AMPH: variants seen among roughly 807,000 people sequenced by gnomAD.
The protein encoded by AMPH is amphiphysin (Stiff-Mann syndrome with breast cancer 128kD autoantigen).
Under a neutral mutation model 99.1 loss-of-function variants are expected in AMPH, and 49 were observed. The ratio of observed to expected loss-of-function variants is 0.49; its 90% CI spans 0.39 to 0.63. The LOEUF (loss-of-function observed/expected upper bound fraction) is 0.63. Ranked by LOEUF, AMPH falls within the 20% of genes least tolerant of loss-of-function variation. The pLI is 0.00. For synonymous variants in AMPH, 314 were observed against 317.3 expected (o/e 0.99, Z 0.11); for missense variants, 759 against 863.4 (o/e 0.88, Z 1.52).
At chr7:38,437,718 C>T (rs1255388029) in intron 11 of AMPH, among the ~76,000 whole-genome samples, 2 of 151,408 alleles carry the variant, frequency 1.3e-5, no homozygotes, top group African/African-American at 2.4e-5. Context: ...GCAGGAGAAT[C>T]GCTTGAACCT....
intron 1 of AMPH, among the ~76,000 whole-genome samples, chr7:38,594,098 C>T (rs1486683124): frequency 5.3e-5 from 8 of 152,044 alleles, no homozygotes; most frequent in South Asian, 2.1e-4. Context: ...AAGCAGGAAG[C>T]GAAGCTGGGA....
chr7:38,440,153 T>C (rs1786449047), intron 11 of AMPH, among the ~76,000 whole-genome samples: 1 of 152,060 alleles, frequency 6.6e-6, no homozygotes, highest in Non-Finnish European at 1.5e-5. Flanking sequence ...TTCTAATCAG[T>C]GTTAAAGATA....
chr7:38,536,473 A>G (rs1790604790), intron 1 of AMPH, among the ~76,000 whole-genome samples: 1 of 152,220 alleles, frequency 6.6e-6, no homozygotes, highest in Non-Finnish European at 1.5e-5. Flanking sequence ...TTTTCTTCGG[A>G]GCAAAAGTAA....
intron 16 of AMPH, among the ~76,000 whole-genome samples, chr7:38,421,761 G>A (rs1481474022): frequency 6.6e-6 from 1 of 152,238 alleles, no homozygotes; most frequent in Non-Finnish European, 1.5e-5. Context: ...ATCCTCTGAA[G>A]TGTAGCAATG....
chr7:38,571,298 T>TTTTTATATATATTTATATATA (rs144518063), intron 1 of AMPH, among the ~76,000 whole-genome samples: 1 of 78,020 alleles, frequency 1.3e-5, no homozygotes. Context: ...TATTTATATA[T>TTTTTATATATATTTATATATA]GAATATATAT....
Position 38,384,715 on chromosome 7 carries a change from G to A in AMPH, c.*103C>T. On this transcript the variant is annotated 3_prime_UTR_variant, in exon 21 of 21. Coordinates refer to ENST00000356264, the MANE Select transcript of AMPH (RefSeq NM_001635.4). ...TCTTCCCAAGGTTTGTCTGGCATCA[G>A]TCTGTAAATCATTAAGAGCATAATA... 1 of 943,916 alleles carries A rather than the reference G, an allele frequency of 1.1e-6. No individual in the cohort carries two copies. Among genetic ancestry groups the A allele is most frequent in the Non-Finnish European group, 1.7e-6 (1 of 599,894 alleles). The allele number at this position is 943,916 out of a possible 1,614,324, so 58.5% of individuals were successfully genotyped here.
At chr7:38,461,466 G>A (rs189968076) in intron 10 of AMPH, 55 bp from the exon 11 acceptor site, 4 of 1,608,108 alleles carry the variant, frequency 2.5e-6, no homozygotes, top group Non-Finnish European at 2.6e-6. Context: ...TGTCAGACAC[G>A]AAGAAAGGTC....
At chr7:38,474,930 C>G (rs1272487894) in intron 7 of AMPH, among the ~76,000 whole-genome samples, 1 of 152,070 alleles carries the variant, frequency 6.6e-6, no homozygotes, top group East Asian at 1.9e-4. Flanking sequence ...GAAGTTCCTC[C>G]AAGAACTGAA....
chr7:38,501,817 A>T (rs1789146683), intron 3 of AMPH, among the ~76,000 whole-genome samples: 2 of 151,964 alleles, frequency 1.3e-5, no homozygotes, highest in Non-Finnish European at 2.9e-5. Context: ...GATTTTACCA[A>T]ATGCTCTCCA....
intron 1 of AMPH, among the ~76,000 whole-genome samples, chr7:38,622,252 G>A (rs1423478442): frequency 6.6e-6 from 1 of 152,142 alleles, no homozygotes; most frequent in Non-Finnish European, 1.5e-5. Context: ...TGGCTAGAAA[G>A]TCTTTTAAAA....
intron 5 of AMPH, among the ~76,000 whole-genome samples, chr7:38,487,327 A>G (rs1004152116): frequency 4.6e-5 from 7 of 152,184 alleles, no homozygotes; most frequent in Admixed American, 2.0e-4. Context: ...AAAGAGATAT[A>G]TAGACCAATG....
intron 11 of AMPH, among the ~76,000 whole-genome samples, chr7:38,456,617 T>C (rs983324471): frequency 6.6e-6 from 1 of 152,166 alleles, no homozygotes; most frequent in Non-Finnish European, 1.5e-5. Context: ...CCACCTGTCA[T>C]AGCTATCACC....
At position 38,422,598 on chromosome 7, in the gene AMPH, CTAT is replaced by C. The variant is rs1562742891; in HGVS notation, c.1216-124_1216-122del. Reference sequence around the variant, plus strand: ...TCTATCTATCTATCTATCTATCTATCTATCCATCTATCTATCGACACTCTATCT... The same window carrying C: ...TCTATCTATCTATCTATCTATCTATCCCATCTATCTATCGACACTCTATCT... On this transcript the variant is annotated intron_variant, in intron 15 of 20. Coordinates refer to ENST00000356264, the MANE Select transcript of AMPH (RefSeq NM_001635.4). The C allele has an allele frequency of 5.4e-5, 38 of 698,652 alleles. No homozygotes were observed. The East Asian group carries it at 8.3e-4, about 15-fold the overall frequency. The allele number at this position is 698,652 out of a possible 1,614,324, so 43.3% of individuals were successfully genotyped here. A position where few individuals can be genotyped will look rare whatever the true frequency, so the allele number is the denominator to read the frequency against.
intron 16 of AMPH, among the ~76,000 whole-genome samples, chr7:38,421,725 C>T (rs1427688016): frequency 2.0e-5 from 3 of 152,240 alleles, no homozygotes; most frequent in African/African-American, 7.2e-5. Context: ...AAATAACCCT[C>T]ATGAACTAGT....
chr7:38,618,647 T>C (rs2129069515), intron 1 of AMPH, among the ~76,000 whole-genome samples: 1 of 152,320 alleles, frequency 6.6e-6, no homozygotes, highest in South Asian at 2.1e-4. Context: ...AAATGTTATA[T>C]ACTATTGAAA....
At chr7:38,400,788 T>A (rs1175567542) in intron 17 of AMPH, among the ~76,000 whole-genome samples, 1 of 152,218 alleles carries the variant, frequency 6.6e-6, no homozygotes, top group Non-Finnish European at 1.5e-5. Context: ...AAGTAGTGTG[T>A]CAATCACGCA....
At chr7:38,586,388 T>C (rs1213923374) in intron 1 of AMPH, among the ~76,000 whole-genome samples, 1 of 152,230 alleles carries the variant, frequency 6.6e-6, no homozygotes, top group Non-Finnish European at 1.5e-5. Context: ...TTGTATTTTC[T>C]ATAATAACAT....
chr7:38,425,334 C>G (rs1785745036), intron 15 of AMPH, among the ~76,000 whole-genome samples: 1 of 152,110 alleles, frequency 6.6e-6, no homozygotes. Context: ...GCAATTTCTT[C>G]AAGAAGATGA....
At chr7:38,561,073 A>G (rs1456275184) in intron 1 of AMPH, among the ~76,000 whole-genome samples, 1 of 152,222 alleles carries the variant, frequency 6.6e-6, no homozygotes, top group Non-Finnish European at 1.5e-5. Flanking sequence ...TTCCTGAAGC[A>G]CTTAAATGTC....
Sources: allele counts gnomAD v4.1 joint callset (sites outside exome capture counted in the v4.1 genomes callset), GRCh38; gene constraint gnomAD v4.1.1; transcripts MANE v1.5; gene names NCBI Gene and HGNC (gene_info 2026-07-23, HGNC 2026-07-21).